B4GALT5: variants seen among roughly 807,000 people sequenced by gnomAD.
B4GALT5 encodes beta-1,4-galactosyltransferase 5.
A neutral mutation model predicts 45.0 loss-of-function variants in B4GALT5; 11 were observed. That is an observed-to-expected ratio of 0.24 (90% CI 0.15 to 0.40). The LOEUF is 0.40. Among genes scored for constraint, B4GALT5 ranks in the 10% least tolerant of loss-of-function variants. The pLI, the probability that B4GALT5 is intolerant of heterozygous loss-of-function variation, is 1.00. For synonymous variants in B4GALT5, 185 were observed against 182.9 expected (o/e 1.01, Z -0.09); for missense variants, 337 against 500.2 (o/e 0.67, Z 3.11).
At chr20:49,659,485 C>T (rs1241725903) in intron 1 of B4GALT5, among the ~76,000 whole-genome samples, 5 of 152,182 alleles carry the variant, frequency 3.3e-5, no homozygotes, top group South Asian at 2.1e-4. Context: ...TAACAACTGT[C>T]TCGTGTTAGT....
At chr20:49,655,729 G>C (rs372544516) in intron 2 of B4GALT5, among the ~76,000 whole-genome samples, 2 of 151,848 alleles carry the variant, frequency 1.3e-5, no homozygotes, top group African/African-American at 4.8e-5. Flanking sequence ...AGGAGTTCAA[G>C]ACCAACATGG....
intron 1 of B4GALT5, among the ~76,000 whole-genome samples, chr20:49,703,738 A>AAATAATAAAAAAAT (rs2085872781): frequency 1.9e-5 from 1 of 52,628 alleles, no homozygotes; most frequent in Non-Finnish European, 4.9e-5. Context: ...AAAAAAAAAA[A>AAATAATAAAAAAAT]AATAGCCAGG....
At chr20:49,676,743 C>T (rs2085739114) in intron 1 of B4GALT5, among the ~76,000 whole-genome samples, 1 of 152,240 alleles carries the variant, frequency 6.6e-6, no homozygotes, top group African/African-American at 2.4e-5. Context: ...GGTGAACTGC[C>T]TCTCTGGCCC....
Position 49,635,200 on chromosome 20 carries a change from GA to G in B4GALT5, c.*1111del, listed in dbSNP as rs1450724599. On this transcript the variant is annotated 3_prime_UTR_variant, in exon 9 of 9. Transcript: ENST00000371711. Reference sequence around the variant, plus strand: ...CCAAGTTCCACAAGAGAAAAAGTAAGAGGGGGAGGGATTCCCATACACACCC... The same window carrying G: ...CCAAGTTCCACAAGAGAAAAAGTAAGGGGGGAGGGATTCCCATACACACCC... 1.3e-5 allele frequency: 2 copies of G among 152,340 alleles called. No individual in the cohort carries two copies. Among genetic ancestry groups the G allele is most frequent in the African/African-American group, 4.8e-5 (2 of 41,456 alleles). 9.4% of individuals were successfully genotyped at this position (152,340 alleles called of 1,614,324 possible). A position where few individuals can be genotyped will look rare whatever the true frequency, so the allele number is the denominator to read the frequency against.
chr20:49,710,896 T>C (rs1035486974), intron 1 of B4GALT5, among the ~76,000 whole-genome samples: 2 of 152,002 alleles, frequency 1.3e-5, no homozygotes, highest in African/African-American at 4.8e-5. Flanking sequence ...CTGTGCATCA[T>C]AGTGAGATCC....
chr20:49,649,398 C>G (rs1317331255), intron 2 of B4GALT5, among the ~76,000 whole-genome samples: 1 of 152,036 alleles, frequency 6.6e-6, no homozygotes. Flanking sequence ...AGGAAACATG[C>G]TGAGAACCTG....
Position 49,713,700 on chromosome 20 carries a change from A to T in B4GALT5, c.-10T>A. 1 of 1,369,598 alleles carries T rather than the reference A, an allele frequency of 7.3e-7. No homozygotes were observed. The highest frequency in any genetic ancestry group is 9.8e-7 in the Non-Finnish European group (1 of 1,023,418). 84.8% of individuals were successfully genotyped at this position (1,369,598 alleles called of 1,614,324 possible). On this transcript the variant is annotated 5_prime_UTR_variant, in exon 1 of 9. Coordinates refer to ENST00000371711, the MANE Select transcript of B4GALT5 (RefSeq NM_004776.4). ...CCCGGCGGGCGCGCATGCTGCAGCC[A>T]GGCGGCCGCTAGAGAGCCAGGCCGG...
At chr20:49,703,352 GATTA>G (rs2085870715) in intron 1 of B4GALT5, among the ~76,000 whole-genome samples, 1 of 152,036 alleles carries the variant, frequency 6.6e-6, no homozygotes, top group Admixed American at 6.6e-5. Context: ...TCAAAATCAG[GATTA>G]ATTAATTCCT....
intron 1 of B4GALT5, among the ~76,000 whole-genome samples, chr20:49,678,280 G>A (rs1600545909): frequency 6.6e-6 from 1 of 152,212 alleles, no homozygotes; most frequent in African/African-American, 2.4e-5. Context: ...ATTTCGCAGA[G>A]CAAGTCCAAG....
intron 1 of B4GALT5, among the ~76,000 whole-genome samples, chr20:49,708,499 G>A (rs1477514592): frequency 6.6e-6 from 1 of 152,088 alleles, no homozygotes; most frequent in Non-Finnish European, 1.5e-5. Context: ...GGTAAGATTA[G>A]AATTACTGGC....
intron 1 of B4GALT5, among the ~76,000 whole-genome samples, chr20:49,706,413 C>T (rs111379905): frequency 1.5e-3 from 232 of 151,842 alleles, no homozygotes; most frequent in African/African-American, 5.3e-3. Context: ...TAATAATTCT[C>T]AACTTTGGGC....
At chr20:49,669,032 T>G (rs1326162341) in intron 1 of B4GALT5, among the ~76,000 whole-genome samples, 1 of 151,978 alleles carries the variant, frequency 6.6e-6, no homozygotes, top group Non-Finnish European at 1.5e-5. Flanking sequence ...TGGTGAATTT[T>G]TTTATTTTTG....
intron 1 of B4GALT5, among the ~76,000 whole-genome samples, chr20:49,692,793 C>T (rs573860758): frequency 6.6e-5 from 10 of 152,220 alleles, no homozygotes; most frequent in South Asian, 6.2e-4. Flanking sequence ...AATGTAAGTT[C>T]AATTATGTTT....
chr20:49,666,374 T>C (rs928681348), intron 1 of B4GALT5, among the ~76,000 whole-genome samples: 4 of 152,180 alleles, frequency 2.6e-5, no homozygotes, highest in African/African-American at 9.7e-5. Context: ...AAGGTGCTGC[T>C]TGGTGCTCAG....
At chr20:49,660,562 A>G (rs777733046) in intron 1 of B4GALT5, among the ~76,000 whole-genome samples, 2 of 152,234 alleles carry the variant, frequency 1.3e-5, no homozygotes, top group Admixed American at 1.3e-4. Context: ...TTACTAATTC[A>G]TATCAAGCTT....
intron 2 of B4GALT5, among the ~76,000 whole-genome samples, chr20:49,650,254 G>A (rs803194): frequency 0.78 from 118,404 of 151,946 alleles, 46,265 homozygotes; most frequent in Middle Eastern, 0.87. Context: ...CCTCAAATAC[G>A]CAACAACTCT....
At chr20:49,671,548 G>T (rs1012561106) in intron 1 of B4GALT5, among the ~76,000 whole-genome samples, 1 of 152,034 alleles carries the variant, frequency 6.6e-6, no homozygotes, top group East Asian at 1.9e-4. Context: ...TATAAGCCTA[G>T]AACAGTTTTA....
intron 2 of B4GALT5, among the ~76,000 whole-genome samples, chr20:49,651,605 A>G (rs1289258718): frequency 6.6e-6 from 1 of 151,958 alleles, no homozygotes; most frequent in Non-Finnish European, 1.5e-5. Flanking sequence ...AAAAAAGAAG[A>G]TAGATAGATA....
intron 1 of B4GALT5, among the ~76,000 whole-genome samples, chr20:49,705,311 T>A (rs1169522987): frequency 6.6e-6 from 1 of 152,056 alleles, no homozygotes; most frequent in African/African-American, 2.4e-5. Context: ...ACAAAAAAAA[T>A]GGTCCAAAAA....
Sources: gnomAD v4.1 joint callset for allele counts (sites outside exome capture counted in the v4.1 genomes callset) on GRCh38, gnomAD v4.1.1 for gene constraint, MANE v1.5 for transcripts, NCBI Gene and HGNC (gene_info 2026-07-23, HGNC 2026-07-21) for gene names.